Variants in HLA-DRB1 observed in about 807,000 individuals in gnomAD.
HLA-DRB1 encodes the protein major histocompatibility complex, class II, DR beta 1 precursor.
A neutral mutation model predicts 27.9 loss-of-function variants in HLA-DRB1; 10 were observed. The observed-to-expected ratio is 0.36, with a 90% confidence interval of 0.22 to 0.61. HLA-DRB1 has a LOEUF of 0.61. Ranked by LOEUF, HLA-DRB1 falls within the 20% of genes least tolerant of loss-of-function variation. HLA-DRB1 has a pLI of 0.73. For missense variants in HLA-DRB1, 118 were observed against 306.3 expected (o/e 0.39, Z 4.59); for synonymous variants, 57 against 126.7 (o/e 0.45, Z 3.69).
intron 1 of HLA-DRB1, among the ~76,000 whole-genome samples, chr6:32,587,856 G>T (rs9270166): frequency 7.2e-6 from 1 of 138,892 alleles, no homozygotes; most frequent in Non-Finnish European, 1.5e-5. Flanking sequence ...GAGTAGGGAC[G>T]CTCTCTAACT....
chr6:32,584,135 A>C (rs17885482), exon 2 of HLA-DRB1: 61,920 of 978,442 alleles, frequency 0.063, 10,328 homozygotes, highest in East Asian at 0.22. Context: ...GAAGCTCTCC[A>C]CAACCCCGTA....
At position 32,582,933 on chromosome 6, in the gene HLA-DRB1, T is replaced by C. The variant is rs1398232775; in HGVS notation, c.371-1095A>G. On this transcript the variant is annotated intron_variant, in intron 2 of 5. Transcript: ENST00000360004. ...CACAAAATGGCAGATTTCAGATGGA[T>C]TGTAGATCATTAATAAAAATGTTGC... Among the ~76,000 whole-genome samples the C allele has an allele frequency of 1.4e-5, 2 of 141,742 alleles. 1 individual carries two copies. The highest frequency in any genetic ancestry group is 5.3e-5 in the African/African-American group (2 of 37,398). 93.0% of individuals were successfully genotyped at this position (141,742 alleles called of 152,430 possible).
At chr6:32,581,189 T>A (rs9269782) in intron 3 of HLA-DRB1, among the ~76,000 whole-genome samples, 3,375 of 55,328 alleles carry the variant, frequency 0.061, 272 homozygotes, top group East Asian at 0.11. Flanking sequence ...TCATGTCAGG[T>A]AGGCCCCTAC....
chr6:32,581,327 G>T lies in HLA-DRB1; in HGVS notation c.652+230C>A, dbSNP rs1203818905. On this transcript the variant is annotated intron_variant, in intron 3 of 5. Coordinates refer to ENST00000360004, the Ensembl canonical transcript of HLA-DRB1. ...CCCTGACCTGCAAAATCATGGGGAGGTTCAAAAGAGGGACAGTCTCTCCCG... is the reference window on the plus strand; with the variant it reads ...CCCTGACCTGCAAAATCATGGGGAGTTTCAAAAGAGGGACAGTCTCTCCCG... Among the ~76,000 whole-genome samples the T allele has an allele frequency of 5.1e-5, 5 of 98,226 alleles. 1 individual carries two copies. Among genetic ancestry groups the T allele is most frequent in the Non-Finnish European group, 1.0e-4 (5 of 48,334 alleles). 64.4% of individuals were successfully genotyped at this position (98,226 alleles called of 152,430 possible).
chr6:32,580,981 A>T, intron 3 of HLA-DRB1, 125 bp from the exon 4 acceptor site: 1 of 605,550 alleles, frequency 1.7e-6, no homozygotes, highest in South Asian at 2.3e-5. Context: ...ATAACTAGCC[A>T]TTTCAGGAGA....
chr6:32,586,627 C>T (rs34084957), intron 1 of HLA-DRB1, among the ~76,000 whole-genome samples: 11,234 of 54,372 alleles, frequency 0.21, 2,612 homozygotes, highest in Admixed American at 0.32. Flanking sequence ...ATTTAACACA[C>T]TACACGTATT....
chr6:32,583,650 T>C (rs9469177), intron 2 of HLA-DRB1, among the ~76,000 whole-genome samples: 18,739 of 55,620 alleles, frequency 0.34, 7,826 homozygotes, highest in Admixed American at 0.36. Flanking sequence ...AGTCTGGAAC[T>C]GGCCTCCTCA....
At chr6:32,588,730 C>A (rs1776901911) in intron 1 of HLA-DRB1, among the ~76,000 whole-genome samples, 1 of 68,972 alleles carries the variant, frequency 1.4e-5, no homozygotes, top group Non-Finnish European at 3.0e-5. Flanking sequence ...TCGGTAACCC[C>A]ACACAGAGTA....
chr6:32,581,300 G>T (rs1451001431), intron 3 of HLA-DRB1, among the ~76,000 whole-genome samples: 1 of 77,510 alleles, frequency 1.3e-5, no homozygotes, highest in African/African-American at 5.4e-5. Context: ...GAGAGTGGGT[G>T]ACCCTGACCT....
chr6:32,580,544 C>G (rs9269762), intron 4 of HLA-DRB1, among the ~76,000 whole-genome samples: 1 of 103,356 alleles, frequency 9.7e-6, no homozygotes, highest in African/African-American at 3.4e-5. Context: ...ACCTTCCTCT[C>G]GTCTCTGCAG....
At chr6:32,588,961 A>T (rs28724216) in intron 1 of HLA-DRB1, among the ~76,000 whole-genome samples, 3,505 of 92,814 alleles carry the variant, frequency 0.038, 169 homozygotes, top group Middle Eastern at 0.052. Context: ...TAGGCACCAA[A>T]GAATACCTCA....
intron 1 of HLA-DRB1, among the ~76,000 whole-genome samples, chr6:32,588,060 A>T (rs75725692): frequency 0.14 from 16,901 of 117,474 alleles, 37 homozygotes; most frequent in East Asian, 0.19. Context: ...CCTCCCAGTG[A>T]TAAATACAGG....
chr6:32,588,486 T>A (rs72844253), intron 1 of HLA-DRB1, among the ~76,000 whole-genome samples: 1 of 69,718 alleles, frequency 1.4e-5, no homozygotes, highest in South Asian at 4.5e-4. Flanking sequence ...TCAATGAATC[T>A]CATAGTGCTA....
At chr6:32,586,828 C>G (rs1382174182) in intron 1 of HLA-DRB1, among the ~76,000 whole-genome samples, 1 of 93,208 alleles carries the variant, frequency 1.1e-5, no homozygotes, top group Non-Finnish European at 2.2e-5. Context: ...CACTACCACC[C>G]ATTTATTTGT....
chr6:32,580,924 TTTA>T, intron 3 of HLA-DRB1, 68 bp from the exon 4 acceptor site: 1 of 1,158,546 alleles, frequency 8.6e-7, no homozygotes, highest in Non-Finnish European at 1.2e-6. Flanking sequence ...GACTCTAAGA[TTTA>T]GAGCTTTGAA....
At chr6:32,585,440 G>A (rs35637465) in intron 1 of HLA-DRB1, among the ~76,000 whole-genome samples, 33,575 of 104,286 alleles carry the variant, frequency 0.32, 6,092 homozygotes, top group Non-Finnish European at 0.33. Flanking sequence ...TAATAATAGC[G>A]TAATCCTCAC....
At chr6:32,582,439 A>G (rs1354337682) in intron 2 of HLA-DRB1, among the ~76,000 whole-genome samples, 1 of 124,176 alleles carries the variant, frequency 8.1e-6, no homozygotes, top group Non-Finnish European at 1.7e-5. Context: ...ACAGAAAAAT[A>G]TGATTTAAAG....
At chr6:32,588,273 T>G (rs1776804795) in intron 1 of HLA-DRB1, among the ~76,000 whole-genome samples, 1 of 132,762 alleles carries the variant, frequency 7.5e-6, no homozygotes, top group Non-Finnish European at 1.7e-5. Context: ...CTGGGCAACA[T>G]GGCAAAATCT....
chr6:32,581,468 A>G (rs200431800), intron 3 of HLA-DRB1, 89 bp downstream of exon 3: 33,978 of 547,464 alleles, frequency 0.062, 4,563 homozygotes, highest in Non-Finnish European at 0.065. Flanking sequence ...TTAAAATAGG[A>G]TGTGGGAGAG....
Sources: allele counts gnomAD v4.1 joint callset (sites outside exome capture counted in the v4.1 genomes callset), GRCh38; gene constraint gnomAD v4.1.1; transcripts MANE v1.5; gene names NCBI Gene and HGNC (gene_info 2026-07-23, HGNC 2026-07-21).